ADAMTS2: variants seen among roughly 807,000 people sequenced by gnomAD.
ADAMTS2 encodes the protein ADAM metallopeptidase with thrombospondin type 1 motif 2, also known as A disintegrin and metalloproteinase with thrombospondin motifs 2.
ADAMTS2 carries 50 observed loss-of-function variants against 123.0 expected under a neutral mutation model. The observed-to-expected ratio is 0.41, with a 90% CI of 0.32 to 0.51. The LOEUF is 0.51. Ranked by LOEUF, ADAMTS2 falls within the 20% of genes least tolerant of loss-of-function variation. ADAMTS2 has a pLI of 0.35. For missense variants in ADAMTS2, 1,494 were observed against 1,705.2 expected (o/e 0.88, Z 2.18); for synonymous variants, 678 against 695.4 (o/e 0.98, Z 0.39).
chr5:179,243,150 GA>G (rs34678289), intron 3 of ADAMTS2, among the ~76,000 whole-genome samples: 39,521 of 143,670 alleles, frequency 0.28, 5,939 homozygotes, highest in African/African-American at 0.43. Flanking sequence ...TTATTTACTG[GA>G]AAAAAAAAAA....
chr5:179,324,267 G>A (rs912846220), intron 2 of ADAMTS2, among the ~76,000 whole-genome samples: 4 of 152,046 alleles, frequency 2.6e-5, no homozygotes, highest in African/African-American at 7.2e-5. Context: ...TGAATTTTAC[G>A]TTATAAGTTG....
At chr5:179,187,421 G>A (rs1348601102) in intron 4 of ADAMTS2, among the ~76,000 whole-genome samples, 3 of 152,358 alleles carry the variant, frequency 2.0e-5, no homozygotes, top group Non-Finnish European at 4.4e-5. Flanking sequence ...TGGACTTGCC[G>A]TGCAACTGCT....
chr5:179,254,962 G>C (rs1400176198), intron 3 of ADAMTS2, among the ~76,000 whole-genome samples: 1 of 152,162 alleles, frequency 6.6e-6, no homozygotes, highest in Non-Finnish European at 1.5e-5. Flanking sequence ...GGATGGATTG[G>C]GTGGATGAAT....
rs1044004028 is a variant in ADAMTS2, at chr5:179,175,320, G to A, written c.975+5752C>T. On this transcript the variant is annotated intron_variant, in intron 5 of 21. Coordinates refer to ENST00000251582, the MANE Select transcript of ADAMTS2 (RefSeq NM_014244.5). The surrounding 1 kb of genome is among the most constrained non-coding windows in gnomAD (Gnocchi z 4.1). ...TTCCGCAGCTGTCTCAGCCATTCTT[G>A]ACCGTTCGTGTTCCTAGATGGTGCT... 5.3e-5 allele frequency among the ~76,000 whole-genome samples: 8 copies of A among 152,216 alleles called. No individual in the cohort carries two copies. Among genetic ancestry groups the A allele is most frequent in the Non-Finnish European group, 1.5e-5 (1 of 68,044 alleles).
intron 3 of ADAMTS2, among the ~76,000 whole-genome samples, chr5:179,261,969 T>C (rs1370122099): frequency 6.6e-6 from 1 of 152,164 alleles, no homozygotes; most frequent in African/African-American, 2.4e-5. Context: ...TGGCAGTGCA[T>C]CCCAGGGCCT....
At chr5:179,226,478 T>C (rs1412672967) in intron 3 of ADAMTS2, among the ~76,000 whole-genome samples, 1 of 151,606 alleles carries the variant, frequency 6.6e-6, no homozygotes, top group Non-Finnish European at 1.5e-5. Flanking sequence ...GATTTCACCA[T>C]GTTAGCCAGG....
At position 179,223,438 on chromosome 5, in the gene ADAMTS2, G is replaced by A. The variant is rs538847502; in HGVS notation, c.689-15723C>T. Among the ~76,000 whole-genome samples, 8 of 138,810 alleles carry A rather than the reference G, an allele frequency of 5.8e-5. No individual in the cohort carries two copies. The East Asian group carries it at 6.9e-4, about 12-fold the overall frequency. 91.1% of individuals were successfully genotyped at this position (138,810 alleles called of 152,430 possible). ...CATACACACATGCACTCACACGAAC[G>A]CACTCACACACGCACACTCACACAC... is the stretch of plus-strand genomic sequence containing the variant. On this transcript the variant is annotated intron_variant, in intron 3 of 21. Transcript: ENST00000251582.
intron 2 of ADAMTS2, among the ~76,000 whole-genome samples, chr5:179,302,043 G>A (rs1756534401): frequency 6.6e-6 from 1 of 152,308 alleles, no homozygotes; most frequent in East Asian, 1.9e-4. Context: ...GCCAGTCCTG[G>A]CCCAGCACAG....
intron 5 of ADAMTS2, among the ~76,000 whole-genome samples, chr5:179,168,375 T>G (rs528242259): frequency 2.6e-5 from 4 of 151,976 alleles, no homozygotes; most frequent in African/African-American, 9.6e-5. Context: ...GATCACAGAG[T>G]CCAGCCCCTC....
At chr5:179,305,511 A>C (rs1756643179) in intron 2 of ADAMTS2, among the ~76,000 whole-genome samples, 1 of 152,238 alleles carries the variant, frequency 6.6e-6, no homozygotes, top group Non-Finnish European at 1.5e-5. Context: ...TGGAGCAACC[A>C]GTAAACACTA....
Position 179,121,690 on chromosome 5 carries a change from G to A in ADAMTS2, c.3149C>T (p.Pro1050Leu). Residue 1050 changes from proline (P) to leucine (L), a missense_variant, in exon 21 of 22, where the codon CCC (proline) becomes CTC (leucine). Physicochemically the swap from Pro to Leu is moderately conservative, Grantham distance 98. Transcript: ENST00000251582. ...YVVQWLSRPD[P>L]DSPIRKISSK... ...CGAGATCTTCCGGATGGGCGAGTCG[G>A]GGTCCGGGCGGGACAGCCACTGAAC... 6.3e-7 allele frequency: 1 copy of A among 1,597,382 alleles called. No homozygotes were observed. Among genetic ancestry groups the A allele is most frequent in the African/African-American group, 1.3e-5 (1 of 74,376 alleles).
chr5:179,325,571 G>A (rs370286352), intron 2 of ADAMTS2, among the ~76,000 whole-genome samples: 5 of 152,252 alleles, frequency 3.3e-5, no homozygotes, highest in Non-Finnish European at 4.4e-5. Context: ...GTCCTGCTCC[G>A]CTGTCCTGGC....
chr5:179,211,765 G>A (rs1046584952), intron 3 of ADAMTS2, among the ~76,000 whole-genome samples: 2 of 152,204 alleles, frequency 1.3e-5, no homozygotes, highest in East Asian at 1.9e-4. Flanking sequence ...CACAGGGCAC[G>A]TGGGCAAGGG....
intron 10 of ADAMTS2, among the ~76,000 whole-genome samples, chr5:179,144,444 G>A (rs950419961): frequency 1.3e-5 from 2 of 152,166 alleles, no homozygotes; most frequent in Admixed American, 1.3e-4. Flanking sequence ...GAAAGTCACA[G>A]GATGTAGAAT....
chr5:179,220,656 C>T (rs1477484415), intron 3 of ADAMTS2, among the ~76,000 whole-genome samples: 3 of 152,202 alleles, frequency 2.0e-5, no homozygotes, highest in Non-Finnish European at 2.9e-5. Flanking sequence ...GAACCTACCC[C>T]TCCACGCTCT....
chr5:179,114,435 C>T, intron 21 of ADAMTS2, 111 bp from the exon 22 acceptor site: 1 of 1,105,424 alleles, frequency 9.0e-7, no homozygotes, highest in Non-Finnish European at 1.3e-6. Context: ...AGAGACAGCA[C>T]AGAGGCAAGT....
intron 3 of ADAMTS2, among the ~76,000 whole-genome samples, chr5:179,217,842 GCACAC>G (rs1765032954): frequency 1.4e-5 from 1 of 71,294 alleles, no homozygotes; most frequent in Non-Finnish European, 3.4e-5. Flanking sequence ...GGGCAGACAG[GCACAC>G]TCACTAGGTA....
intron 21 of ADAMTS2, among the ~76,000 whole-genome samples, chr5:179,116,006 G>A (rs113373765): frequency 5.9e-5 from 9 of 152,008 alleles, no homozygotes; most frequent in African/African-American, 2.2e-4. Context: ...AACCCCTGCA[G>A]CGTGAGCTTA....
intron 2 of ADAMTS2, among the ~76,000 whole-genome samples, chr5:179,288,735 A>T (rs1756100471): frequency 6.6e-6 from 1 of 152,204 alleles, no homozygotes; most frequent in African/African-American, 2.4e-5. Context: ...GCTCAGGCGC[A>T]CCTGCCCTCC....
Sources: allele counts gnomAD v4.1 joint callset (sites outside exome capture counted in the v4.1 genomes callset), GRCh38; gene constraint gnomAD v4.1.1; non-coding constraint Gnocchi (gnomAD v3.1); transcripts MANE v1.5; gene names NCBI Gene and HGNC (gene_info 2026-07-23, HGNC 2026-07-21).